The following EML4 variants were observed in gnomAD, a reference collection of about 807,000 sequenced individuals.
The protein encoded by EML4 is EMAP like 4, also known as echinoderm microtubule-associated protein-like 4.
A neutral mutation model predicts 129.0 loss-of-function variants in EML4; 72 were observed. That is an observed-to-expected ratio of 0.56 (90% CI 0.46 to 0.68). EML4 has a LOEUF of 0.68. Ranked by LOEUF, EML4 falls within the 30% of genes least tolerant of loss-of-function variation. The pLI, the probability that EML4 is intolerant of heterozygous loss-of-function variation, is 0.00. For synonymous variants in EML4, 532 were observed against 405.0 expected (o/e 1.31, Z -3.77); for missense variants, 1,363 against 1,190.6 (o/e 1.14, Z -2.13).
At chr2:42,192,816 A>G (rs1671679513) in intron 1 of EML4, among the ~76,000 whole-genome samples, 1 of 152,210 alleles carries the variant, frequency 6.6e-6, no homozygotes, top group African/African-American at 2.4e-5. Flanking sequence ...TGATTCCAGT[A>G]TCATGATTTT....
At chr2:42,284,797 CT>C (rs1187941527) in intron 9 of EML4, 94 bp downstream of exon 9, 2 of 924,592 alleles carry the variant, frequency 2.2e-6, no homozygotes, top group South Asian at 4.7e-5. Flanking sequence ...TTGTTTTATT[CT>C]TTTAAAATTT....
At chr2:42,223,310 A>G (rs1673739600) in intron 1 of EML4, among the ~76,000 whole-genome samples, 1 of 152,106 alleles carries the variant, frequency 6.6e-6, no homozygotes, top group African/African-American at 2.4e-5. Flanking sequence ...AGCAGTTCAC[A>G]AATGCACCAC....
At chr2:42,216,826 G>A (rs141581541) in intron 1 of EML4, among the ~76,000 whole-genome samples, 6 of 152,148 alleles carry the variant, frequency 3.9e-5, no homozygotes, top group African/African-American at 1.2e-4. Context: ...ATTAAATACT[G>A]CTTATTGTCT....
In EML4 at chr2:42,242,765, T is replaced by C. The variant is rs979903497; in HGVS notation, c.26-2740T>C. The stretch of plus-strand genomic sequence containing the variant: ...GTCTCGTCTCTTCTTTTTTTCTCTT[T>C]TCTTTTTTCTTTTCTTTCTGATAGG... On this transcript the variant is annotated intron_variant, in intron 1 of 22. Transcript: ENST00000318522. Among the ~76,000 whole-genome samples the C allele has an allele frequency of 2.0e-5, 3 of 152,034 alleles. No homozygotes were observed. The East Asian group carries it at 5.8e-4, about 29-fold the overall frequency.
chr2:42,305,511 A>G (rs1668547865), intron 17 of EML4, among the ~76,000 whole-genome samples: 1 of 152,198 alleles, frequency 6.6e-6, no homozygotes, highest in Non-Finnish European at 1.5e-5. Context: ...TTTGTGCTAT[A>G]CCTTTTGCCA....
At chr2:42,248,587 T>G in intron 2 of EML4, among the ~76,000 whole-genome samples, 1 of 152,204 alleles carries the variant, frequency 6.6e-6, no homozygotes, top group East Asian at 1.9e-4. Context: ...ATCAGTTTGG[T>G]TAATGGCTCT....
At chr2:42,263,746 T>C (rs1665879927) in intron 5 of EML4, among the ~76,000 whole-genome samples, 1 of 149,438 alleles carries the variant, frequency 6.7e-6, no homozygotes, top group Non-Finnish European at 1.5e-5. Context: ...AATTTATACT[T>C]CTCTTATGGA....
chr2:42,257,006 G>A (rs924778151), intron 3 of EML4, among the ~76,000 whole-genome samples: 4 of 152,092 alleles, frequency 2.6e-5, no homozygotes, highest in African/African-American at 9.7e-5. Flanking sequence ...CAGAATCTTC[G>A]ATATATCTAT....
intron 2 of EML4, among the ~76,000 whole-genome samples, chr2:42,246,694 C>G (rs1161814211): frequency 1.3e-5 from 2 of 152,102 alleles, no homozygotes; most frequent in Non-Finnish European, 2.9e-5. Flanking sequence ...TGGGAATGTT[C>G]CTCTTATGGA....
At chr2:42,290,575 A>AG in intron 11 of EML4, among the ~76,000 whole-genome samples, 1 of 151,678 alleles carries the variant, frequency 6.6e-6, no homozygotes, top group East Asian at 1.9e-4. Context: ...CAAAAAAAAA[A>AG]AAAAAAAATA....
rs77753465 is a variant in EML4, at chr2:42,265,053, A to T, written c.667+322A>T. ...ATGCTGCCTGACTTTCTTCCTTAAA[A>T]AGGAAATACAGTGATTTGAGCTAGA... On this transcript the variant is annotated intron_variant, in intron 6 of 22. Coordinates refer to ENST00000318522, the MANE Select transcript of EML4 (RefSeq NM_019063.5). 5 of 1,097,046 alleles carry T rather than the reference A, an allele frequency of 4.6e-6. No individual in the cohort carries two copies. In the South Asian group the frequency reaches 7.1e-5, roughly 16 times the overall value. The allele number at this position is 1,097,046 out of a possible 1,614,324, so 68.0% of individuals were successfully genotyped here. A position where few individuals can be genotyped will look rare whatever the true frequency, so the allele number is the denominator to read the frequency against.
In EML4 at chr2:42,330,082, G is replaced by C. The variant is rs142699681; in HGVS notation, c.2821G>C (p.Glu941Gln). The C allele has an allele frequency of 2.3e-5, 37 of 1,613,106 alleles. No individual in the cohort carries two copies. In the African/African-American group the frequency reaches 2.9e-4, roughly 13 times the overall value. ...GCCAAGTGAAGACCACAGCGAGGAG[G>C]AGAGTGAAGAGGGCAGCGGAGACCT... is the stretch of plus-strand genomic sequence containing the variant. Reference protein sequence around the residue: ...VEPSEDHSEEESEEGSGDLGE... With the variant: ...VEPSEDHSEEQSEEGSGDLGE... Residue 941 changes from glutamate to glutamine, a missense_variant, in exon 23 of 23, where the codon GAG (glutamate) becomes CAG (glutamine). By Grantham distance (29) the Glu-to-Gln change is conservative (BLOSUM62 2). Transcript: ENST00000318522.
chr2:42,256,873 C>T (rs542865116), intron 3 of EML4, among the ~76,000 whole-genome samples: 9 of 152,272 alleles, frequency 5.9e-5, no homozygotes, highest in African/African-American at 1.9e-4. Flanking sequence ...GTTTCATTTC[C>T]TGGTTTTGTT....
intron 2 of EML4, among the ~76,000 whole-genome samples, chr2:42,254,591 T>C (rs568694220): frequency 7.1e-4 from 106 of 148,688 alleles, no homozygotes; most frequent in Non-Finnish European, 1.2e-3. Flanking sequence ...CCAAAACTTA[T>C]GAGGTAACAC....
chr2:42,239,331 C>G (rs1242513442), intron 1 of EML4, among the ~76,000 whole-genome samples: 1 of 152,176 alleles, frequency 6.6e-6, no homozygotes, highest in East Asian at 1.9e-4. Context: ...TAATGAAACA[C>G]AATATACTTA....
intron 1 of EML4, among the ~76,000 whole-genome samples, chr2:42,236,598 CA>C (rs1279366771): frequency 6.6e-6 from 1 of 152,230 alleles, no homozygotes; most frequent in African/African-American, 2.4e-5. Context: ...GTGTGGTCTG[CA>C]AAGCCTAAAA....
intron 19 of EML4, among the ~76,000 whole-genome samples, chr2:42,323,545 C>T (rs866144662): frequency 6.6e-6 from 1 of 152,140 alleles, no homozygotes; most frequent in African/African-American, 2.4e-5. Flanking sequence ...GGGGACACAT[C>T]GGTAGACTTC....
At chr2:42,317,399 T>C (rs761737405) in intron 18 of EML4, 28 bp from the exon 19 acceptor site, 1 of 1,331,262 alleles carries the variant, frequency 7.5e-7, no homozygotes. Context: ...TATATTTCTC[T>C]AGTCAACACT....
In EML4 at chr2:42,303,218, A is replaced by C; in HGVS notation, c.1756A>C (p.Ile586Leu). Residue 586 changes from isoleucine to leucine, a missense_variant, in exon 15 of 23, where the codon ATA becomes CTA. Transcript: ENST00000318522. ...AGGAACATTTAATGATGGCTTCCAAATAGAAGTACAGGTAAGCTGTGTGAT... is the reference window on the plus strand; with the variant it reads ...AGGAACATTTAATGATGGCTTCCAACTAGAAGTACAGGTAAGCTGTGTGAT... ...LRGTFNDGFQIEVQGHTDELW... is the reference protein window; with the variant it reads ...LRGTFNDGFQLEVQGHTDELW... 1 of 1,614,218 alleles carries C rather than the reference A, an allele frequency of 6.2e-7. No homozygotes were observed. Among genetic ancestry groups the C allele is most frequent in the Non-Finnish European group, 8.5e-7 (1 of 1,180,030 alleles).
Sources: gnomAD v4.1 joint callset for allele counts (sites outside exome capture counted in the v4.1 genomes callset) on GRCh38, gnomAD v4.1.1 for gene constraint, MANE v1.5 for transcripts, NCBI Gene and HGNC (gene_info 2026-07-23, HGNC 2026-07-21) for gene names.